EIPR1: variants seen among roughly 807,000 people sequenced by gnomAD.
EIPR1 encodes the protein EARP complex and GARP complex interacting protein 1, also known as EARP and GARP complex-interacting protein 1.
A neutral mutation model predicts 48.1 loss-of-function variants in EIPR1; 25 were observed. The observed-to-expected ratio is 0.52, with a 90% CI of 0.38 to 0.73. The LOEUF is 0.73. Among genes scored for constraint, EIPR1 ranks in the 30% least tolerant of loss-of-function variants. The pLI, the probability that EIPR1 is intolerant of heterozygous loss-of-function variation, is 0.00. For missense variants in EIPR1, 415 were observed against 506.2 expected, an observed-to-expected ratio of 0.82 and a Z score of 1.73; for synonymous variants, 204 against 201.9, an observed-to-expected ratio of 1.01 and a Z score of -0.09.
chr2:3,365,328 A>C (rs570481965), intron 1 of EIPR1, among the ~76,000 whole-genome samples: 1 of 152,180 alleles, frequency 6.6e-6, no homozygotes, highest in South Asian at 2.1e-4. Flanking sequence ...TAAATAAATA[A>C]ATAATAAATG....
At chr2:3,369,093 T>C (rs1572491440) in intron 1 of EIPR1, among the ~76,000 whole-genome samples, 2 of 152,206 alleles carry the variant, frequency 1.3e-5, no homozygotes, top group African/African-American at 2.4e-5. Flanking sequence ...TCTTCAAACT[T>C]AAGAAAGTCT....
chr2:3,281,551 C>T (rs545040467), intron 3 of EIPR1, among the ~76,000 whole-genome samples: 17 of 152,202 alleles, frequency 1.1e-4, no homozygotes, highest in African/African-American at 3.9e-4. Context: ...ATTTAGTCAG[C>T]GGCTCCAAAA....
At position 3,194,125 on chromosome 2, in the gene EIPR1, C is replaced by T. The variant is rs769372565; in HGVS notation, c.695G>A (p.Arg232Gln). 59 of 1,613,904 alleles carry T rather than the reference C, an allele frequency of 3.7e-5. No individual in the cohort carries two copies. The highest frequency in any genetic ancestry group is 6.7e-5 in the Admixed American group (4 of 60,024). The change falls in exon 7 of 9, where the codon CGG (arginine) becomes CAG (glutamine). Residue 232 changes from arginine to glutamine, a missense_variant. Arg to Gln is a conservative substitution (Grantham distance 43). Transcript: ENST00000382125. The part of the protein sequence containing the change: ...CIENAHGQLV[R>Q]DLDFNPNKQY... ...CTTATTGGGATTAAAGTCAAGGTCC[C>T]GCACCAGCTGTCCGTGGGCATTCTC...
intron 3 of EIPR1, among the ~76,000 whole-genome samples, chr2:3,277,489 T>C (rs965578027): frequency 1.3e-5 from 2 of 152,238 alleles, no homozygotes; most frequent in Non-Finnish European, 2.9e-5. Context: ...AAGACCATTC[T>C]GCAAACATTT....
At chr2:3,226,330 A>G (rs555737620) in intron 4 of EIPR1, among the ~76,000 whole-genome samples, 1 of 152,118 alleles carries the variant, frequency 6.6e-6, no homozygotes, top group East Asian at 1.9e-4. Flanking sequence ...GTGTGAGGTG[A>G]TGTCTCATTG....
intron 1 of EIPR1, chr2:3,377,441 GC>G (rs1444475350): frequency 1.9e-6 from 1 of 515,234 alleles, no homozygotes; most frequent in East Asian, 3.2e-5. Flanking sequence ...GGGGAAGGAG[GC>G]AGGCCGGCTG....
intron 3 of EIPR1, among the ~76,000 whole-genome samples, chr2:3,334,345 T>C (rs1669981999): frequency 6.6e-6 from 1 of 152,250 alleles, no homozygotes; most frequent in African/African-American, 2.4e-5. Flanking sequence ...AATTCATATA[T>C]GATTCATGGC....
At chr2:3,195,812 C>T (rs1664782913) in intron 6 of EIPR1, among the ~76,000 whole-genome samples, 1 of 152,192 alleles carries the variant, frequency 6.6e-6, no homozygotes, top group South Asian at 2.1e-4. Flanking sequence ...GCGCCAGGAC[C>T]CTCTGTGCTG....
chr2:3,190,662 G>A (rs1664574730), intron 8 of EIPR1, among the ~76,000 whole-genome samples: 1 of 152,192 alleles, frequency 6.6e-6, no homozygotes, highest in African/African-American at 2.4e-5. Flanking sequence ...AACAGGGACA[G>A]ACATGGTGAG....
chr2:3,339,913 G>A (rs1367538739), intron 2 of EIPR1, among the ~76,000 whole-genome samples: 5 of 152,212 alleles, frequency 3.3e-5, no homozygotes, highest in Admixed American at 6.5e-5. Flanking sequence ...TGGCGCCACC[G>A]CACTCCAGCC....
In EIPR1 at chr2:3,214,338, G is replaced by A. The variant is rs550263102; in HGVS notation, c.417-90C>T. The A allele has an allele frequency of 6.5e-5, 79 of 1,219,128 alleles. No individual in the cohort carries two copies. The African/African-American group carries it at 8.7e-4, about 13-fold the overall frequency. The allele number at this position is 1,219,128 out of a possible 1,614,324, so 75.5% of individuals were successfully genotyped here. On this transcript the variant is annotated intron_variant, in intron 4 of 8. Transcript: ENST00000382125. ...AGCTGTGATACATGTTCTTCATGAC[G>A]CAGGAAATCTTTTCCGGCCTGTAGT...
chr2:3,198,804 CAGA>C (rs1488712775), intron 5 of EIPR1, among the ~76,000 whole-genome samples: 6 of 152,102 alleles, frequency 3.9e-5, no homozygotes, highest in African/African-American at 1.2e-4. Flanking sequence ...GATCACAAGG[CAGA>C]AGGTCAGGGT....
At chr2:3,207,824 G>A (rs1305340363) in intron 5 of EIPR1, 1 of 152,162 alleles carries the variant, frequency 6.6e-6, no homozygotes, top group African/African-American at 2.4e-5. Context: ...ATAAGAAAAT[G>A]CTAGTGAGCT....
chr2:3,363,051 C>T (rs1020580393), intron 1 of EIPR1, among the ~76,000 whole-genome samples: 27 of 152,150 alleles, frequency 1.8e-4, no homozygotes, highest in African/African-American at 6.3e-4. Flanking sequence ...TGCCCTTCTC[C>T]TTGGGCTTGG....
At chr2:3,196,241 C>T (rs542113350) in intron 6 of EIPR1, among the ~76,000 whole-genome samples, 4 of 152,306 alleles carry the variant, frequency 2.6e-5, no homozygotes, top group East Asian at 3.9e-4. Flanking sequence ...GCATGACATC[C>T]GTCTTTTCAG....
intron 4 of EIPR1, among the ~76,000 whole-genome samples, chr2:3,218,529 C>G (rs1210592453): frequency 2.0e-5 from 3 of 148,130 alleles, no homozygotes; most frequent in Admixed American, 6.7e-5. Flanking sequence ...CACAGTGAGT[C>G]AGGTGCACAC....
chr2:3,350,117 CAAAAAAAAAAAAAAAA>C (rs35912767), intron 2 of EIPR1, among the ~76,000 whole-genome samples: 1 of 57,446 alleles, frequency 1.7e-5, no homozygotes, highest in Non-Finnish European at 2.9e-5. Context: ...GACTCTGTCT[CAAAAAAAAAAAAAAAA>C]AAAAAAAAAA....
chr2:3,330,923 G>A (rs1272252797), intron 3 of EIPR1, among the ~76,000 whole-genome samples: 1 of 151,820 alleles, frequency 6.6e-6, no homozygotes, highest in Non-Finnish European at 1.5e-5. Context: ...AGCAGAGACT[G>A]GCAAGTGTAC....
intron 3 of EIPR1, among the ~76,000 whole-genome samples, chr2:3,270,720 T>C (rs1480037990): frequency 6.6e-6 from 1 of 152,106 alleles, no homozygotes; most frequent in Non-Finnish European, 1.5e-5. Flanking sequence ...CTTCAGGGAG[T>C]TGTCATCTTT....
Sources: gnomAD v4.1 joint callset for allele counts (sites outside exome capture counted in the v4.1 genomes callset) on GRCh38, gnomAD v4.1.1 for gene constraint, MANE v1.5 for transcripts, NCBI Gene and HGNC (gene_info 2026-07-23, HGNC 2026-07-21) for gene names.